The following VARS2 variants were observed in gnomAD, a reference collection of about 807,000 sequenced individuals.
VARS2 encodes valyl-tRNA synthetase 2, mitochondrial.
Under a neutral mutation model 154.1 loss-of-function variants are expected in VARS2, and 105 were observed. That is an observed-to-expected ratio of 0.68 (90% CI 0.58 to 0.80). The LOEUF is 0.80. Among genes scored for constraint, VARS2 ranks in the 30% least tolerant of loss-of-function variants. VARS2 has a pLI of 0.00. For missense variants in VARS2, 1,157 were observed against 1,361.4 expected, an observed-to-expected ratio of 0.85 and a Z score of 2.36; for synonymous variants, 483 against 539.5, an observed-to-expected ratio of 0.90 and a Z score of 1.45.
chr6:30,919,192 C>T lies in VARS2; in HGVS notation c.1074+277C>T, dbSNP rs1794354680. On this transcript the variant is annotated intron_variant, in intron 11 of 29. Transcript: ENST00000676266. This position sits in a 1 kb window ranked among gnomAD's most constrained non-coding sequence, Gnocchi z 4.5. ...GGAGGGCAGTGGTGTGATCTTGGCT[C>T]ACTGCAACCTCCACCTCCTGGGTTC... is the stretch of plus-strand genomic sequence containing the variant. The T allele has an allele frequency of 2.9e-6, 1 of 339,990 alleles. No individual in the cohort carries two copies. Among genetic ancestry groups the T allele is most frequent in the South Asian group, 7.2e-5 (1 of 13,880 alleles). 21.1% of individuals were successfully genotyped at this position (339,990 alleles called of 1,614,324 possible). A position where few individuals can be genotyped will look rare whatever the true frequency, so the allele number is the denominator to read the frequency against.
In VARS2 at chr6:30,920,602, G is replaced by A; in HGVS notation, c.1398-66G>A. 1 of 1,413,202 alleles carries A rather than the reference G, an allele frequency of 7.1e-7. No individual in the cohort carries two copies. Among genetic ancestry groups the A allele is most frequent in the South Asian group, 1.4e-5 (1 of 72,664 alleles). The allele number at this position is 1,413,202 out of a possible 1,614,324, so 87.5% of individuals were successfully genotyped here. A position where few individuals can be genotyped will look rare whatever the true frequency, so the allele number is the denominator to read the frequency against. On this transcript the variant is annotated intron_variant, in intron 14 of 29. Transcript: ENST00000676266. This position sits in a 1 kb window ranked among gnomAD's most constrained non-coding sequence, Gnocchi z 4.6. ...TACCAAGGGCCTGGCATGGCATGGG[G>A]TCTTGTGCCCCTGGGAGAAGTCACA...
At position 30,925,705 on chromosome 6, in the gene VARS2, T is replaced by C; in HGVS notation, c.2947T>C (p.Tyr983His). The C allele has an allele frequency of 6.2e-7, 1 of 1,610,984 alleles. No individual in the cohort carries two copies. The highest frequency in any genetic ancestry group is 8.5e-7 in the Non-Finnish European group (1 of 1,179,666). The change falls in exon 28 of 30, where the codon TAC becomes CAC. Residue 983 changes from tyrosine to histidine, a missense_variant. Tyr to His is a moderately conservative substitution (Grantham distance 83). Coordinates refer to ENST00000676266, the MANE Select transcript of VARS2 (RefSeq NM_020442.6). Reference protein sequence around the residue: ...QAPLSDTAQVYMELQGLVDPQ... With the variant: ...QAPLSDTAQVHMELQGLVDPQ... The stretch of plus-strand genomic sequence containing the variant: ...TCCACTCAGTGACACGGCTCAAGTC[T>C]ACATGGAGCTGCAGGTGACCAGAGG...
chr6:30,915,403 C>T lies in VARS2; in HGVS notation c.332C>T (p.Ala111Val). Reference protein sequence around the residue: ...PPAYSPRYVEAAWYPWWVREG... With the variant: ...PPAYSPRYVEVAWYPWWVREG... ...GCATACAGCCCCCGATATGTTGAGG[C>T]TGCCTGGTACCCGTGGTGGGTACGA... Residue 111 changes from alanine (A) to valine (V), a missense_variant, in exon 4 of 30, where the codon GCT (alanine) becomes GTT (valine). Transcript: ENST00000676266. 1 of 1,614,228 alleles carries T rather than the reference C, an allele frequency of 6.2e-7. No individual in the cohort carries two copies.
chr6:30,920,718 G>T lies in VARS2; in HGVS notation c.1448G>T (p.Arg483Leu). ...CTGCTGAAGAACCAGTGGTTTGTCC[G>T]CTGCCAGGAAATGGGGGCCCGAGCT... Reference protein sequence around the residue: ...EYLLKNQWFVRCQEMGARAAK... With the variant: ...EYLLKNQWFVLCQEMGARAAK... The change falls in exon 15 of 30, where the codon CGC becomes CTC. Residue 483 changes from arginine (R) to leucine (L), a missense_variant. Coordinates refer to ENST00000676266, the MANE Select transcript of VARS2 (RefSeq NM_020442.6). This position sits in a 1 kb window ranked among gnomAD's most constrained non-coding sequence, Gnocchi z 4.6. The T allele has an allele frequency of 6.2e-7, 1 of 1,600,570 alleles. No individual in the cohort carries two copies. The highest frequency in any genetic ancestry group is 1.7e-5 in the Admixed American group (1 of 58,174).
chr6:30,915,501 G>A (rs1317651347), intron 4 of VARS2, 46 bp downstream of exon 4: 4 of 1,580,834 alleles, frequency 2.5e-6, no homozygotes, highest in Non-Finnish European at 3.5e-6. Flanking sequence ...CCAGGACAGA[G>A]TGGCCCTTGA....
chr6:30,919,539 C>T lies in VARS2; in HGVS notation c.1075-219C>T. 1 of 425,984 alleles carries T rather than the reference C, an allele frequency of 2.3e-6. No homozygotes were observed. The highest frequency in any genetic ancestry group is 3.5e-5 in the East Asian group (1 of 28,626). The allele number at this position is 425,984 out of a possible 1,614,324, so 26.4% of individuals were successfully genotyped here. ...CTATTATATACCCTCTCCAGCTCTGCTGCAGTGGCATAATAGAGTAATTGT... is the reference window on the plus strand; with the variant it reads ...CTATTATATACCCTCTCCAGCTCTGTTGCAGTGGCATAATAGAGTAATTGT... On this transcript the variant is annotated intron_variant, in intron 11 of 29. Coordinates refer to ENST00000676266, the MANE Select transcript of VARS2 (RefSeq NM_020442.6). This position sits in a 1 kb window ranked among gnomAD's most constrained non-coding sequence, Gnocchi z 4.5.
Position 30,921,532 on chromosome 6 carries a change from A to G in VARS2, c.1633-57A>G. 3 of 1,558,028 alleles carry G rather than the reference A, an allele frequency of 1.9e-6. No individual in the cohort carries two copies. The highest frequency in any genetic ancestry group is 1.2e-5 in the South Asian group (1 of 85,186). On this transcript the variant is annotated intron_variant, in intron 17 of 29. Coordinates refer to ENST00000676266, the MANE Select transcript of VARS2 (RefSeq NM_020442.6). This position sits in a 1 kb window ranked among gnomAD's most constrained non-coding sequence, Gnocchi z 4.6. ...CATGAGGACGTGAAAACCAAGTGAC[A>G]TTTACACCTGTCAGCTGTTCTTCCT...
rs1194213012 is a variant in VARS2, at chr6:30,920,521, A to T, written c.1397+85A>T. ...AGGGTGACAATAGGATGGGCTCTGC[A>T]CCCCTCCGTTAGAATACGAGCTCCG... On this transcript the variant is annotated intron_variant, in intron 14 of 29. Transcript: ENST00000676266. This position sits in a 1 kb window ranked among gnomAD's most constrained non-coding sequence, Gnocchi z 4.6. 1.4e-6 allele frequency: 2 copies of T among 1,403,042 alleles called. No individual in the cohort carries two copies. The highest frequency in any genetic ancestry group is 2.5e-5 in the Admixed American group (1 of 40,650). The allele number at this position is 1,403,042 out of a possible 1,614,324, so 86.9% of individuals were successfully genotyped here. A position where few individuals can be genotyped will look rare whatever the true frequency, so the allele number is the denominator to read the frequency against.
chr6:30,926,028 C>T lies in VARS2; in HGVS notation c.3090+20C>T. On this transcript the variant is annotated intron_variant, in intron 29 of 29. Transcript: ENST00000676266. ...CAAAAGGTAAGGCTGAGGGAGGCCC[C>T]CAGAAGGCTCCACCCCTGAGGGAAT... 6.2e-7 allele frequency: 1 copy of T among 1,613,044 alleles called. No individual in the cohort carries two copies. The highest frequency in any genetic ancestry group is 8.5e-7 in the Non-Finnish European group (1 of 1,179,984).
In VARS2 at chr6:30,915,867, G is replaced by C. The variant is rs1350121608; in HGVS notation, c.506G>C (p.Trp169Ser). 2 of 1,614,080 alleles carry C rather than the reference G, an allele frequency of 1.2e-6. No homozygotes were observed. Among genetic ancestry groups the C allele is most frequent in the South Asian group, 1.1e-5 (1 of 91,080 alleles). ...TVAIQDALVR[W>S]HRMRGDQVLW... The stretch of plus-strand genomic sequence containing the variant: ...GCCATACAGGATGCCCTCGTGCGCT[G>C]GTGAGAGGGGAGTGGGGGCTGCTTG... Residue 169 changes from tryptophan (W) to serine (S), a missense_variant and splice_region_variant, in exon 5 of 30, where the codon TGG becomes TCG. Coordinates refer to ENST00000676266, the MANE Select transcript of VARS2 (RefSeq NM_020442.6).
chr6:30,920,187 A>G lies in VARS2; in HGVS notation c.1264A>G (p.Met422Val), dbSNP rs1157637439. ...PLNVIAEDGT[M>V]TSLCGDWLQG... is the part of the protein sequence containing the mutation. Reference sequence around the variant, plus strand: ...GAATGTCATTGCGGAGGATGGGACCATGACCTCCCTCTGCGGGGACTGGCT... The same window carrying G: ...GAATGTCATTGCGGAGGATGGGACCGTGACCTCCCTCTGCGGGGACTGGCT... Residue 422 changes from methionine to valine, a missense_variant, in exon 13 of 30, where the codon ATG becomes GTG. By Grantham distance (21) the Met-to-Val change is conservative. Coordinates refer to ENST00000676266, the MANE Select transcript of VARS2 (RefSeq NM_020442.6). The surrounding 1 kb of genome is among the most constrained non-coding windows in gnomAD (Gnocchi z 4.6). 3 of 1,590,308 alleles carry G rather than the reference A, an allele frequency of 1.9e-6. No individual in the cohort carries two copies. The highest frequency in any genetic ancestry group is 2.6e-6 in the Non-Finnish European group (3 of 1,167,178).
In VARS2 at chr6:30,921,795, GTT is replaced by G. The variant is rs1403862576; in HGVS notation, c.1735+105_1735+106del. ...AGATACAGAAGGTAGGGTCAGGAAA[GTT>G]GGGAATGGAGCCAAAGGGGACAGCC... is the stretch of plus-strand genomic sequence containing the variant. On this transcript the variant is annotated intron_variant, in intron 18 of 29. Transcript: ENST00000676266. This position sits in a 1 kb window ranked among gnomAD's most constrained non-coding sequence, Gnocchi z 4.6. 10 of 1,545,390 alleles carry G rather than the reference GTT, an allele frequency of 6.5e-6. No individual in the cohort carries two copies. In the African/African-American group the frequency reaches 9.5e-5, roughly 15 times the overall value.
chr6:30,918,459 G>C (rs1794309902), intron 10 of VARS2, among the ~76,000 whole-genome samples: 1 of 152,226 alleles, frequency 6.6e-6, no homozygotes, highest in Admixed American at 6.5e-5. Flanking sequence ...TCTTGTAGGA[G>C]CTGGTGCTCC....
At position 30,915,958 on chromosome 6, in the gene VARS2, ACAGGAGGG is replaced by A. The variant is rs767592274; in HGVS notation, c.507-20_507-13del. ...GATAAACATTTAAGCTCAGGGGCTC[ACAGGAGGG>A]CATTTTTGTTGCAGGCACCGGATGC... On this transcript the variant is annotated splice_polypyrimidine_tract_variant and intron_variant, in intron 5 of 29. Transcript: ENST00000676266. 1.1e-5 allele frequency: 17 copies of A among 1,613,950 alleles called. No homozygotes were observed. In the African/African-American group the frequency reaches 1.7e-4, roughly 16 times the overall value.
Position 30,921,321 on chromosome 6 carries a change from C to A in VARS2, c.1632+16C>A. On this transcript the variant is annotated intron_variant, in intron 17 of 29. Coordinates refer to ENST00000676266, the MANE Select transcript of VARS2 (RefSeq NM_020442.6). The surrounding 1 kb of genome is among the most constrained non-coding windows in gnomAD (Gnocchi z 4.6). ...CCATGCGCAGGTGGGTAGGAAGAAG[C>A]ACCCGGAGGGCCGAGTGTGGCACAG... is the stretch of plus-strand genomic sequence containing the variant. 1 of 1,614,066 alleles carries A rather than the reference C, an allele frequency of 6.2e-7. No homozygotes were observed. Among genetic ancestry groups the A allele is most frequent in the Non-Finnish European group, 8.5e-7 (1 of 1,179,972 alleles).
In VARS2 at chr6:30,921,498, C is replaced by CT; in HGVS notation, c.1633-90dup. On this transcript the variant is annotated intron_variant, in intron 17 of 29. Transcript: ENST00000676266. The surrounding 1 kb of genome is among the most constrained non-coding windows in gnomAD (Gnocchi z 4.6). ...TCACCCCTGGGGGAACCTGGCCACT[C>CT]TAAGACCACATGAGGACGTGAAAAC... 1.3e-6 allele frequency: 2 copies of CT among 1,500,494 alleles called. No individual in the cohort carries two copies. The highest frequency in any genetic ancestry group is 3.9e-5 in the Admixed American group (2 of 50,970). 92.9% of individuals were successfully genotyped at this position (1,500,494 alleles called of 1,614,324 possible).
intron 5 of VARS2, 45 bp downstream of exon 5, chr6:30,915,912 G>T: frequency 6.2e-7 from 1 of 1,614,086 alleles, no homozygotes; most frequent in Non-Finnish European, 8.5e-7. Context: ...AAGGGAAATA[G>T]GAAGGGCAGG....
Position 30,924,521 on chromosome 6 carries a change from C to T in VARS2, c.2634C>T (p.Pro878=), listed in dbSNP as rs1794724784. Residue 878 remains proline, a synonymous_variant, in exon 26 of 30, where the codon CCC becomes CCT. Coordinates refer to ENST00000676266, the MANE Select transcript of VARS2 (RefSeq NM_020442.6). ...CCAGGCCTGGTTGCCCCCCTGCCCC[C>T]AGCATCTCGGTTGCCCCCTACCCCA... ...LPPRPGCPPA[P]SISVAPYPSA... is the part of the protein sequence containing the mutation. The T allele has an allele frequency of 6.3e-7, 1 of 1,585,034 alleles. No individual in the cohort carries two copies. Among genetic ancestry groups the T allele is most frequent in the South Asian group, 1.1e-5 (1 of 87,694 alleles).
rs751685128 is a variant in VARS2, at chr6:30,921,648, G to A, written c.1692G>A (p.Ala564=). 8 of 1,608,930 alleles carry A rather than the reference G, an allele frequency of 5.0e-6. No individual in the cohort carries two copies. Among genetic ancestry groups the A allele is most frequent in the South Asian group, 1.1e-5 (1 of 89,874 alleles). ...RSEAEAREVA[A]ELTGRPGAEL... ...AGGCTGAGGCCAGAGAGGTAGCAGCGGAACTGACAGGGAGGCCAGGGGCAG... is the reference window on the plus strand; with the variant it reads ...AGGCTGAGGCCAGAGAGGTAGCAGCAGAACTGACAGGGAGGCCAGGGGCAG... The change falls in exon 18 of 30, where the codon GCG becomes GCA. Residue 564 remains alanine (A), a synonymous_variant. Coordinates refer to ENST00000676266, the MANE Select transcript of VARS2 (RefSeq NM_020442.6). The surrounding 1 kb of genome is among the most constrained non-coding windows in gnomAD (Gnocchi z 4.6).
Sources: gnomAD v4.1 joint callset for allele counts (sites outside exome capture counted in the v4.1 genomes callset) on GRCh38, gnomAD v4.1.1 for gene constraint, Gnocchi (gnomAD v3.1) non-coding constraint, MANE v1.5 for transcripts, NCBI Gene and HGNC (gene_info 2026-07-23, HGNC 2026-07-21) for gene names.